HECTD4: variants seen among roughly 807,000 people sequenced by gnomAD.
HECTD4 encodes HECT domain E3 ubiquitin protein ligase 4.
A neutral mutation model predicts 471.5 loss-of-function variants in HECTD4; 114 were observed. That is an observed-to-expected ratio of 0.24 (90% CI 0.21 to 0.28). The LOEUF is 0.28. Among genes scored for constraint, HECTD4 ranks in the 10% least tolerant of loss-of-function variants. The pLI is 1.00. For synonymous variants in HECTD4, 2,012 were observed against 2,256.0 expected, an observed-to-expected ratio of 0.89 and a Z score of 3.07; for missense variants, 3,866 against 5,651.5, an observed-to-expected ratio of 0.68 and a Z score of 10.13.
rs901843640 is a variant in HECTD4, at chr12:112,308,873, C to T, written c.1044G>A (p.Arg348=). Residue 348 remains arginine, a synonymous_variant, in exon 6 of 76, where the codon CGG becomes CGA. Transcript: ENST00000682272. ...CCCATCCTGGTTCCAACTCCTCGTT[C>T]CGGCAGTACACAAAACCTCTGTGGA... ...HGTLRGFVYC[R]NEELEPGWVA... 6.5e-7 allele frequency: 1 copy of T among 1,535,902 alleles called. No individual in the cohort carries two copies. The highest frequency in any genetic ancestry group is 8.7e-7 in the Non-Finnish European group (1 of 1,146,862).
intron 29 of HECTD4, 46 bp downstream of exon 29, chr12:112,246,855 C>T: frequency 3.2e-6 from 5 of 1,553,848 alleles, no homozygotes; most frequent in Non-Finnish European, 4.4e-6. Context: ...AGTATATTCT[C>T]TGTTCATATA....
chr12:112,272,500 C>T (rs2034436990), intron 11 of HECTD4, among the ~76,000 whole-genome samples: 1 of 152,202 alleles, frequency 6.6e-6, no homozygotes, highest in African/African-American at 2.4e-5. Context: ...CTGTGTATTT[C>T]GGGAGAAGTG....
chr12:112,208,073 G>C, intron 51 of HECTD4, 73 bp from the exon 52 acceptor site: 1 of 1,532,952 alleles, frequency 6.5e-7, no homozygotes. Context: ...CTAACTTACA[G>C]CCCTCACCCT....
chr12:112,379,344 A>C (rs1179840974), intron 1 of HECTD4, among the ~76,000 whole-genome samples: 1 of 152,244 alleles, frequency 6.6e-6, no homozygotes, highest in Non-Finnish European at 1.5e-5. Flanking sequence ...GGCTCTTTTG[A>C]GAATTTAATA....
intron 1 of HECTD4, among the ~76,000 whole-genome samples, chr12:112,361,085 T>C (rs1019104054): frequency 2.6e-5 from 4 of 151,736 alleles, no homozygotes; most frequent in Admixed American, 1.3e-4. Flanking sequence ...ACCTGAAAGA[T>C]AATGTCTGTT....
chr12:112,358,609 T>C (rs2036389322), intron 1 of HECTD4, among the ~76,000 whole-genome samples: 1 of 152,160 alleles, frequency 6.6e-6, no homozygotes, highest in Non-Finnish European at 1.5e-5. Context: ...TGCCTATCTG[T>C]CTATGACCAT....
intron 1 of HECTD4, among the ~76,000 whole-genome samples, chr12:112,328,751 T>C (rs755857505): frequency 6.6e-6 from 1 of 152,236 alleles, no homozygotes; most frequent in Non-Finnish European, 1.5e-5. Context: ...TTATTCAAAC[T>C]CACTTTTCAA....
chr12:112,212,477 G>T lies in HECTD4; in HGVS notation c.7629+10C>A. On this transcript the variant is annotated intron_variant, in intron 49 of 75. Transcript: ENST00000682272. ...AGAATTTGTTTTCCTTTCCCAACAAGGTAACCTGCCTTTTTCTGAATGTGA... is the reference window on the plus strand; with the variant it reads ...AGAATTTGTTTTCCTTTCCCAACAATGTAACCTGCCTTTTTCTGAATGTGA... 1 of 1,603,342 alleles carries T rather than the reference G, an allele frequency of 6.2e-7. No homozygotes were observed. Among genetic ancestry groups the T allele is most frequent in the South Asian group, 1.1e-5 (1 of 89,820 alleles).
chr12:112,311,253 G>A (rs1239840446), intron 4 of HECTD4, among the ~76,000 whole-genome samples: 1 of 149,772 alleles, frequency 6.7e-6, no homozygotes, highest in East Asian at 2.0e-4. Flanking sequence ...CAAGAGCGAA[G>A]CTCTGTCTCA....
At position 112,161,086 on chromosome 12, in the gene HECTD4, CCTT is replaced by C; in HGVS notation, c.*1298_*1300del. 6.6e-6 allele frequency: 1 copy of C among 152,314 alleles called. No individual in the cohort carries two copies. The highest frequency in any genetic ancestry group is 2.1e-4 in the South Asian group (1 of 4,826). The allele number at this position is 152,314 out of a possible 1,614,324, so 9.4% of individuals were successfully genotyped here. A position where few individuals can be genotyped will look rare whatever the true frequency, so the allele number is the denominator to read the frequency against. On this transcript the variant is annotated 3_prime_UTR_variant, in exon 76 of 76. Coordinates refer to ENST00000682272, the MANE Select transcript of HECTD4 (RefSeq NM_001388303.1). ...TTGGACCAGCATCCACACTCCAAAACCTTCTAGACAGCACTCACTCAAAACTTC... is the reference window on the plus strand; with the variant it reads ...TTGGACCAGCATCCACACTCCAAAACCTAGACAGCACTCACTCAAAACTTC...
intron 29 of HECTD4, 51 bp downstream of exon 29, chr12:112,246,850 A>G (rs2033774644): frequency 3.3e-6 from 5 of 1,527,848 alleles, no homozygotes; most frequent in Non-Finnish European, 4.4e-6. Context: ...AACAGAGTAT[A>G]TTCTCTGTTC....
intron 1 of HECTD4, among the ~76,000 whole-genome samples, chr12:112,355,646 C>T (rs2135742418): frequency 6.6e-6 from 1 of 151,936 alleles, no homozygotes; most frequent in South Asian, 2.1e-4. Context: ...TGCCTGTGAT[C>T]CCAGCTGCTT....
chr12:112,291,803 C>T (rs964516304), intron 7 of HECTD4, among the ~76,000 whole-genome samples: 9 of 151,976 alleles, frequency 5.9e-5, no homozygotes, highest in African/African-American at 1.7e-4. Flanking sequence ...ACCGGGGAGG[C>T]GGAGCTTGCA....
intron 62 of HECTD4, among the ~76,000 whole-genome samples, chr12:112,182,539 T>C (rs539099406): frequency 1.2e-4 from 19 of 152,186 alleles, no homozygotes; most frequent in Non-Finnish European, 2.2e-4. Context: ...GCATGAGCTG[T>C]CCTCAAGCAT....
chr12:112,353,645 T>C (rs1445446259), intron 1 of HECTD4, among the ~76,000 whole-genome samples: 1 of 152,056 alleles, frequency 6.6e-6, no homozygotes, highest in South Asian at 2.1e-4. Flanking sequence ...CTGGCCAATA[T>C]GGTAAAACCC....
chr12:112,170,580 T>A, intron 68 of HECTD4, 128 bp from the exon 69 acceptor site: 1 of 1,239,478 alleles, frequency 8.1e-7, no homozygotes, highest in Non-Finnish European at 1.1e-6. Context: ...AGCCGGGCCC[T>A]GACTGTGGAG....
intron 1 of HECTD4, among the ~76,000 whole-genome samples, chr12:112,327,196 A>G (rs938576144): frequency 2.0e-4 from 31 of 152,166 alleles, no homozygotes; most frequent in African/African-American, 6.5e-4. Context: ...GCATGCCTGT[A>G]ATCCCAGCTA....
intron 11 of HECTD4, among the ~76,000 whole-genome samples, chr12:112,271,941 A>G (rs1380804332): frequency 6.6e-6 from 1 of 152,200 alleles, no homozygotes; most frequent in Non-Finnish European, 1.5e-5. Flanking sequence ...CATCAGTCCA[A>G]CATCTGCATT....
intron 35 of HECTD4, among the ~76,000 whole-genome samples, chr12:112,236,481 A>G (rs2033505265): frequency 6.6e-6 from 1 of 152,252 alleles, no homozygotes; most frequent in Non-Finnish European, 1.5e-5. Context: ...AAGCTAAATA[A>G]CATGCAGTCA....
Sources: gnomAD v4.1 joint callset for allele counts (sites outside exome capture counted in the v4.1 genomes callset) on GRCh38, gnomAD v4.1.1 for gene constraint, MANE v1.5 for transcripts, NCBI Gene and HGNC (gene_info 2026-07-23, HGNC 2026-07-21) for gene names.